The following GLB1L3 variants were observed in gnomAD, a reference collection of about 807,000 sequenced individuals.
GLB1L3 encodes the protein galactosidase beta 1 like 3, also known as beta-galactosidase-1-like protein 3.
A neutral mutation model predicts 89.5 loss-of-function variants in GLB1L3; 89 were observed. The ratio of observed to expected loss-of-function variants is 0.99; its 90% CI spans 0.84 to 1.19. The LOEUF is 1.19. GLB1L3 is among the 50% of genes most tolerant of loss of function. GLB1L3 has a pLI of 0.00. For missense variants in GLB1L3, 812 were observed against 813.3 expected, an observed-to-expected ratio of 1.00 and a Z score of 0.02; for synonymous variants, 314 against 312.3, an observed-to-expected ratio of 1.01 and a Z score of -0.06.
rs1490327796 is a variant in GLB1L3, at chr11:134,312,815, G to A, written c.1429-1G>A. 2 of 1,610,586 alleles carry A rather than the reference G, an allele frequency of 1.2e-6. No individual in the cohort carries two copies. The highest frequency in any genetic ancestry group is 2.2e-5 in the East Asian group (1 of 44,848). On this transcript the variant is annotated splice_acceptor_variant, in intron 14 of 19. Transcript: ENST00000431683. LOFTEE classifies it high-confidence loss of function. ...GTCTGACGCCGGCTCTTCTTTTGCAGGTGTTTTTGGATGAGACAATGATAG... is the reference window on the plus strand; with the variant it reads ...GTCTGACGCCGGCTCTTCTTTTGCAAGTGTTTTTGGATGAGACAATGATAG...
At chr11:134,285,556 TG>T (rs1940932778) in intron 6 of GLB1L3, among the ~76,000 whole-genome samples, 1 of 151,832 alleles carries the variant, frequency 6.6e-6, no homozygotes, top group Non-Finnish European at 1.5e-5. Flanking sequence ...GAGGCCAAAG[TG>T]GGAGGACTGC....
At chr11:134,294,473 T>G (rs1941528179) in intron 9 of GLB1L3, among the ~76,000 whole-genome samples, 2 of 152,232 alleles carry the variant, frequency 1.3e-5, no homozygotes, top group Admixed American at 6.5e-5. Context: ...TTGCTAAGTC[T>G]TCTTCCTTTT....
chr11:134,292,244 C>G (rs1294012521), intron 8 of GLB1L3, 31 bp downstream of exon 8: 2 of 1,511,080 alleles, frequency 1.3e-6, no homozygotes, highest in East Asian at 4.5e-5. Context: ...CACAGGAGAA[C>G]AGGGCTCTCA....
At chr11:134,284,688 C>G (rs141428406) in intron 6 of GLB1L3, among the ~76,000 whole-genome samples, 3 of 151,934 alleles carry the variant, frequency 2.0e-5, no homozygotes, top group Non-Finnish European at 2.9e-5. Flanking sequence ...AAGATCATGC[C>G]GCCACACTCC....
At position 134,288,862 on chromosome 11, in the gene GLB1L3, A is replaced by G. The variant is rs1334176690; in HGVS notation, c.701A>G (p.Asp234Gly). Residue 234 changes from aspartate to glycine, a missense_variant, in exon 7 of 20, where the codon GAT becomes GGT. This residue lies in a region of GLB1L3 where 618 missense variants were observed against 604.0 expected (regional missense o/e 1.02). Coordinates refer to ENST00000431683, the MANE Select transcript of GLB1L3 (RefSeq NM_001080407.3). The stretch of plus-strand genomic sequence containing the variant: ...AATGAGTATGGCTCATTCAATAAGG[A>G]TAAAACATACATGCCGTATCTCCAC... Reference protein sequence around the residue: ...VENEYGSFNKDKTYMPYLHKA... With the variant: ...VENEYGSFNKGKTYMPYLHKA... 2.5e-6 allele frequency: 4 copies of G among 1,613,026 alleles called. No homozygotes were observed. The highest frequency in any genetic ancestry group is 3.4e-6 in the Non-Finnish European group (4 of 1,179,450).
chr11:134,276,805 G>A (rs949681933), intron 1 of GLB1L3, 42 bp downstream of exon 1: 62 of 1,369,624 alleles, frequency 4.5e-5, no homozygotes, highest in Non-Finnish European at 5.0e-5. Flanking sequence ...CCACCACCCC[G>A]GCGCGTGCCC....
intron 9 of GLB1L3, among the ~76,000 whole-genome samples, chr11:134,306,666 A>T (rs555122691): frequency 1.3e-5 from 2 of 152,344 alleles, no homozygotes; most frequent in South Asian, 4.1e-4. Context: ...AGCCAGGCCT[A>T]CTGTAGAGGA....
intron 1 of GLB1L3, 102 bp downstream of exon 1, chr11:134,276,865 ACGCGCCGCGC>A (rs1454424746): frequency 4.7e-6 from 5 of 1,060,328 alleles, no homozygotes; most frequent in East Asian, 3.4e-5. Context: ...CGCCCCAGGC[ACGCGCCGCGC>A]CGGGCCGCGC....
chr11:134,312,969 C>T, intron 15 of GLB1L3, 82 bp downstream of exon 15: 1 of 937,510 alleles, frequency 1.1e-6, no homozygotes, highest in Admixed American at 2.0e-5. Flanking sequence ...GTCAGCCTCC[C>T]TTCTCCACCC....
chr11:134,288,565 C>G (rs1223612848), intron 6 of GLB1L3, among the ~76,000 whole-genome samples: 44 of 152,158 alleles, frequency 2.9e-4, no homozygotes. Context: ...GTGTGAGAAC[C>G]AGAGGGAAAC....
chr11:134,319,064 C>T lies in GLB1L3; in HGVS notation c.*122C>T. 1.5e-6 allele frequency: 1 copy of T among 683,586 alleles called. No homozygotes were observed. The highest frequency in any genetic ancestry group is 2.5e-6 in the Non-Finnish European group (1 of 394,048). The allele number at this position is 683,586 out of a possible 1,614,324, so 42.3% of individuals were successfully genotyped here. On this transcript the variant is annotated 3_prime_UTR_variant, in exon 20 of 20. Coordinates refer to ENST00000431683, the MANE Select transcript of GLB1L3 (RefSeq NM_001080407.3). ...CAGCCTCTCGGGTTCACGCCATTCT[C>T]CTGCCTCAGCCTCCCCAGCAGCTGG... is the stretch of plus-strand genomic sequence containing the variant.
chr11:134,298,994 T>C (rs1333084446), intron 9 of GLB1L3, among the ~76,000 whole-genome samples: 1 of 152,194 alleles, frequency 6.6e-6, no homozygotes, highest in Non-Finnish European at 1.5e-5. Context: ...GCTGTTTTCT[T>C]TCCCACTGTC....
chr11:134,319,091 A>G lies in GLB1L3; in HGVS notation c.*149A>G. Reference sequence around the variant, plus strand: ...TGCCTCAGCCTCCCCAGCAGCTGGGACTACAGGTGCACGCCACCACGCCTG... The same window carrying G: ...TGCCTCAGCCTCCCCAGCAGCTGGGGCTACAGGTGCACGCCACCACGCCTG... On this transcript the variant is annotated 3_prime_UTR_variant, in exon 20 of 20. Transcript: ENST00000431683. The G allele has an allele frequency of 1.6e-6, 1 of 622,376 alleles. No individual in the cohort carries two copies. Among genetic ancestry groups the G allele is most frequent in the Non-Finnish European group, 2.8e-6 (1 of 352,914 alleles). The allele number at this position is 622,376 out of a possible 1,614,324, so 38.6% of individuals were successfully genotyped here. A position where few individuals can be genotyped will look rare whatever the true frequency, so the allele number is the denominator to read the frequency against.
At chr11:134,310,777 G>A in intron 12 of GLB1L3, 126 bp downstream of exon 12, 2 of 718,002 alleles carry the variant, frequency 2.8e-6, no homozygotes, top group Admixed American at 2.7e-5. Flanking sequence ...GAGAACAAGG[G>A]CAACCTTAAC....
rs981182253 is a variant in GLB1L3 at position 134,314,531 on chromosome 11, A to G, written c.1779+90A>G. The G allele has an allele frequency of 9.0e-5, 72 of 801,392 alleles. No individual in the cohort carries two copies. In the Middle Eastern group the frequency reaches 1.1e-3, roughly 12 times the overall value. 49.6% of individuals were successfully genotyped at this position (801,392 alleles called of 1,614,324 possible). On this transcript the variant is annotated intron_variant, in intron 18 of 19. Coordinates refer to ENST00000431683, the MANE Select transcript of GLB1L3 (RefSeq NM_001080407.3). ...GCAAAGCCAGCGTTCCTGGAGGAAT[A>G]CTTCCCTTTCTTCTTTTCCTCTTCT...
chr11:134,308,641 C>CACCACCACT (rs1942548777), intron 10 of GLB1L3, among the ~76,000 whole-genome samples: 5 of 150,668 alleles, frequency 3.3e-5, no homozygotes, highest in Non-Finnish European at 7.4e-5. Context: ...CCATCAACAC[C>CACCACCACT]ATCACCACCA....
chr11:134,320,738 CAAAAA>C (rs58638015), downstream of GLB1L3, among the ~76,000 whole-genome samples: 11 of 139,302 alleles, frequency 7.9e-5, no homozygotes, highest in African/African-American at 2.6e-4. Context: ...ACAAGAAAAA[CAAAAA>C]AAAAAAACAA....
chr11:134,312,423 T>C lies in GLB1L3; in HGVS notation c.1362T>C (p.Leu454=). 1 of 1,613,768 alleles carries C rather than the reference T, an allele frequency of 6.2e-7. No homozygotes were observed. Among genetic ancestry groups the C allele is most frequent in the South Asian group, 1.1e-5 (1 of 91,068 alleles). Residue 454 remains leucine, a synonymous_variant, in exon 14 of 20, where the codon CTT becomes CTC. Coordinates refer to ENST00000431683, the MANE Select transcript of GLB1L3 (RefSeq NM_001080407.3). ...INNGSGQSYG[L]VLYEKSICSG... ...ATGGGAGCGGCCAGTCCTACGGGCT[T>C]GTCCTGTATGAGAAGTCCATCTGCT...
chr11:134,288,658 G>A, intron 6 of GLB1L3, 140 bp from the exon 7 acceptor site: 1 of 580,508 alleles, frequency 1.7e-6, no homozygotes, highest in Non-Finnish European at 3.0e-6. Context: ...CTCCAGCGCT[G>A]GAGCAGAGCG....
Sources: allele counts gnomAD v4.1 joint callset (sites outside exome capture counted in the v4.1 genomes callset), GRCh38; gene constraint gnomAD v4.1.1; regional missense constraint gnomAD v4.1.1; transcripts MANE v1.5; gene names NCBI Gene and HGNC (gene_info 2026-07-23, HGNC 2026-07-21).